The following ATXN1L variants were observed in gnomAD, a reference collection of about 807,000 sequenced individuals.
The protein encoded by ATXN1L is ataxin-1-like.
Under a neutral mutation model 43.4 loss-of-function variants are expected in ATXN1L, and 8 were observed. The observed-to-expected ratio is 0.18, with a 90% CI of 0.11 to 0.33. ATXN1L has a LOEUF of 0.33. ATXN1L is among the 10% of genes least tolerant of loss of function. The pLI is 1.00. For missense variants in ATXN1L, 856 were observed against 885.4 expected (o/e 0.97, Z 0.42); for synonymous variants, 379 against 360.6 (o/e 1.05, Z -0.58).
At position 71,850,295 on chromosome 16, in the gene ATXN1L, C is replaced by T; in HGVS notation, c.555C>T (p.Ala185=). The change falls in exon 3 of 3, where the codon GCC becomes GCT. Residue 185 remains alanine, a synonymous_variant. Coordinates refer to ENST00000427980, the MANE Select transcript of ATXN1L (RefSeq NM_001137675.4). ...VPYASLLAEG[A]TPPPQAPSPA... ...ATGCCTCACTTCTGGCTGAAGGAGC[C>T]ACTCCTCCCCCACAGGCTCCCTCCC... 6.4e-7 allele frequency: 1 copy of T among 1,551,672 alleles called. No individual in the cohort carries two copies. The highest frequency in any genetic ancestry group is 8.7e-7 in the Non-Finnish European group (1 of 1,146,976).
Position 71,850,722 on chromosome 16 carries a change from CG to C in ATXN1L, c.987del (p.Thr330ProfsTer15). Reference sequence around the variant, plus strand: ...GGTAGAGGTAGCAGCACCAGCACACCGGGGGACCCCGGACACTGACCTTGAG... The same window carrying C: ...GGTAGAGGTAGCAGCACCAGCACACCGGGGACCCCGGACACTGACCTTGAG... The part of the protein sequence containing the change: ...PRVEVAAPAH[R>X]GTPDTDLEVQ... On this transcript the variant is annotated frameshift_variant, in exon 3 of 3. Transcript: ENST00000427980. LOFTEE classifies it high-confidence loss of function. 1 of 1,551,672 alleles carries C rather than the reference CG, an allele frequency of 6.4e-7. No individual in the cohort carries two copies. The highest frequency in any genetic ancestry group is 8.7e-7 in the Non-Finnish European group (1 of 1,146,996).
At position 71,854,341 on chromosome 16, in the gene ATXN1L, G is replaced by A. The variant is rs1264289110; in HGVS notation, c.*2531G>A. 1 of 167,106 alleles carries A rather than the reference G, an allele frequency of 6.0e-6. No homozygotes were observed. Among genetic ancestry groups the A allele is most frequent in the Admixed American group, 6.5e-5 (1 of 15,292 alleles). 10.4% of individuals were successfully genotyped at this position (167,106 alleles called of 1,614,324 possible). ...GAGAAATTCTTGAGGACCCTGGCAA[G>A]TTGGGCCCTGACCTTTCTGTTGCTG... On this transcript the variant is annotated 3_prime_UTR_variant, in exon 3 of 3. Coordinates refer to ENST00000427980, the MANE Select transcript of ATXN1L (RefSeq NM_001137675.4).
In ATXN1L at chr16:71,850,976, A is replaced by C; in HGVS notation, c.1236A>C (p.Ala412=). The C allele has an allele frequency of 6.4e-7, 1 of 1,551,704 alleles. No homozygotes were observed. Among genetic ancestry groups the C allele is most frequent in the Non-Finnish European group, 8.7e-7 (1 of 1,147,004 alleles). The part of the protein sequence containing the change: ...EPVKHRPLPK[A]MVVANGNLVP... ...TAAAACATAGACCTTTACCCAAAGC[A>C]ATGGTTGTAGCCAATGGCAACCTGG... Residue 412 remains alanine, a synonymous_variant, in exon 3 of 3, where the codon GCA becomes GCC. Coordinates refer to ENST00000427980, the MANE Select transcript of ATXN1L (RefSeq NM_001137675.4).
intron 2 of ATXN1L, among the ~76,000 whole-genome samples, chr16:71,848,950 C>T (rs1252912316): frequency 6.6e-6 from 1 of 151,580 alleles, no homozygotes; most frequent in Non-Finnish European, 1.5e-5. Flanking sequence ...CGCTGTGGCT[C>T]ACACCCGTAA....
Position 71,846,063 on chromosome 16 carries a change from G to A in ATXN1L, c.-221G>A, listed in dbSNP as rs1219347362. On this transcript the variant is annotated 5_prime_UTR_variant, in exon 1 of 3. Coordinates refer to ENST00000427980, the MANE Select transcript of ATXN1L (RefSeq NM_001137675.4). ...GGCGGCCGCGGTTGCGGCGGCTCCG[G>A]GACGAGTGAGTGGATCCTGGGAAGC... The A allele has an allele frequency of 2.1e-5, 4 of 193,546 alleles. No homozygotes were observed. The highest frequency in any genetic ancestry group is 9.5e-5 in the African/African-American group (4 of 41,986). 12.0% of individuals were successfully genotyped at this position (193,546 alleles called of 1,614,324 possible).
Position 71,856,098 on chromosome 16 carries a change from C to A in ATXN1L, c.*4288C>A, listed in dbSNP as rs557102063. The A allele has an allele frequency of 6.0e-6, 1 of 167,256 alleles. No individual in the cohort carries two copies. The highest frequency in any genetic ancestry group is 2.4e-5 in the African/African-American group (1 of 41,592). The allele number at this position is 167,256 out of a possible 1,614,324, so 10.4% of individuals were successfully genotyped here. A position where few individuals can be genotyped will look rare whatever the true frequency, so the allele number is the denominator to read the frequency against. ...GAGATGCTAGAGTCGACTGCACTCT[C>A]TCCTTAGCTGCAGACCATGCACAGT... On this transcript the variant is annotated 3_prime_UTR_variant, in exon 3 of 3. Coordinates refer to ENST00000427980, the MANE Select transcript of ATXN1L (RefSeq NM_001137675.4).
Position 71,850,652 on chromosome 16 carries a change from A to T in ATXN1L, c.912A>T (p.Glu304Asp). 1 of 1,551,726 alleles carries T rather than the reference A, an allele frequency of 6.4e-7. No homozygotes were observed. The highest frequency in any genetic ancestry group is 8.7e-7 in the Non-Finnish European group (1 of 1,146,996). The stretch of plus-strand genomic sequence containing the variant: ...GCCAGGGACTGGTGCCAGTGGTAGA[A>T]TGTGTGGTGGATGGACAGTTGTTTT... ...GEGQGLVPVV[E>D]CVVDGQLFSG... Residue 304 changes from glutamate (E) to aspartate (D), a missense_variant, in exon 3 of 3, where the codon GAA becomes GAT. Glu to Asp is a conservative substitution (Grantham distance 45, BLOSUM62 2). This residue lies in a region of ATXN1L where 490 missense variants were observed against 449.4 expected (regional missense o/e 1.09). Coordinates refer to ENST00000427980, the MANE Select transcript of ATXN1L (RefSeq NM_001137675.4).
Position 71,850,462 on chromosome 16 carries a change from C to G in ATXN1L, c.722C>G (p.Thr241Ser). ...YQMSRLPAGYTLHETPPAGAS... is the reference protein window; with the variant it reads ...YQMSRLPAGYSLHETPPAGAS... ...ATGTCCAGGCTACCTGCTGGGTATA[C>G]TTTGCATGAAACCCCTCCAGCAGGT... Residue 241 changes from threonine (T) to serine (S), a missense_variant, in exon 3 of 3, where the codon ACT (threonine) becomes AGT (serine). This residue lies in a region of ATXN1L where 490 missense variants were observed against 449.4 expected (regional missense o/e 1.09). Transcript: ENST00000427980. 1 of 1,551,740 alleles carries G rather than the reference C, an allele frequency of 6.4e-7. No individual in the cohort carries two copies. The highest frequency in any genetic ancestry group is 8.7e-7 in the Non-Finnish European group (1 of 1,147,002).
At position 71,851,692 on chromosome 16, in the gene ATXN1L, C is replaced by T. The variant is rs1052701369; in HGVS notation, c.1952C>T (p.Pro651Leu). The T allele has an allele frequency of 2.9e-5, 43 of 1,493,238 alleles. No homozygotes were observed. Among genetic ancestry groups the T allele is most frequent in the South Asian group, 6.5e-5 (5 of 76,954 alleles). The allele number at this position is 1,493,238 out of a possible 1,614,324, so 92.5% of individuals were successfully genotyped here. A position where few individuals can be genotyped will look rare whatever the true frequency, so the allele number is the denominator to read the frequency against. ...GGTGCTCAGGCCTGCTGGCCAGCCC[C>T]GAGCTTCCAAAGATACAGCATGCAA... is the stretch of plus-strand genomic sequence containing the variant. ...ESGAQACWPA[P>L]SFQRYSMQGE... The change falls in exon 3 of 3, where the codon CCG becomes CTG. Residue 651 changes from proline (P) to leucine (L), a missense_variant. This residue lies in a region of ATXN1L where 185 missense variants were observed against 176.8 expected (regional missense o/e 1.05). Coordinates refer to ENST00000427980, the MANE Select transcript of ATXN1L (RefSeq NM_001137675.4). This position sits in a 1 kb window ranked among gnomAD's most constrained non-coding sequence, Gnocchi z 4.9.
Position 71,851,671 on chromosome 16 carries a change from C to T in ATXN1L, c.1931C>T (p.Ala644Val). ...VVEPSQPESG[A>V]QACWPAPSFQ... Reference sequence around the variant, plus strand: ...GAGCCTTCCCAGCCTGAGTCCGGTGCTCAGGCCTGCTGGCCAGCCCCGAGC... The same window carrying T: ...GAGCCTTCCCAGCCTGAGTCCGGTGTTCAGGCCTGCTGGCCAGCCCCGAGC... The change falls in exon 3 of 3, where the codon GCT (alanine) becomes GTT (valine). Residue 644 changes from alanine to valine, a missense_variant. This residue lies in a region of ATXN1L where 185 missense variants were observed against 176.8 expected (regional missense o/e 1.05). Transcript: ENST00000427980. The surrounding 1 kb of genome is among the most constrained non-coding windows in gnomAD (Gnocchi z 4.9). 1.3e-6 allele frequency: 2 copies of T among 1,510,638 alleles called. No homozygotes were observed. Among genetic ancestry groups the T allele is most frequent in the Non-Finnish European group, 1.8e-6 (2 of 1,123,782 alleles). The allele number at this position is 1,510,638 out of a possible 1,614,324, so 93.6% of individuals were successfully genotyped here. A position where few individuals can be genotyped will look rare whatever the true frequency, so the allele number is the denominator to read the frequency against.
chr16:71,849,216 TAAAAAA>T (rs71153674), intron 2 of ATXN1L, among the ~76,000 whole-genome samples: 1 of 71,236 alleles, frequency 1.4e-5, no homozygotes, highest in Admixed American at 1.9e-4. Context: ...CCATGTGTTT[TAAAAAA>T]AAAAAAAAAA....
intron 1 of ATXN1L, 119 bp downstream of exon 1, chr16:71,846,223 A>T (rs2033440961): frequency 1.3e-5 from 2 of 155,042 alleles, no homozygotes; most frequent in Admixed American, 6.5e-5. Flanking sequence ...AACCGTGGAC[A>T]GACGGAGGGG....
rs1228655377 is a variant in ATXN1L at position 71,856,308 on chromosome 16, C to G, written c.*4498C>G. On this transcript the variant is annotated 3_prime_UTR_variant, in exon 3 of 3. Coordinates refer to ENST00000427980, the MANE Select transcript of ATXN1L (RefSeq NM_001137675.4). ...TCCCAAAGCCATTCCACTGCAAATG[C>G]CCAGCAGTGAAGATGGCCTCAAATT... 1 of 167,148 alleles carries G rather than the reference C, an allele frequency of 6.0e-6. No individual in the cohort carries two copies. The highest frequency in any genetic ancestry group is 3.1e-3 in the Middle Eastern group (1 of 318). The allele number at this position is 167,148 out of a possible 1,614,324, so 10.4% of individuals were successfully genotyped here.
At position 71,855,389 on chromosome 16, in the gene ATXN1L, G is replaced by A. The variant is rs1314834628; in HGVS notation, c.*3579G>A. On this transcript the variant is annotated 3_prime_UTR_variant, in exon 3 of 3. Coordinates refer to ENST00000427980, the MANE Select transcript of ATXN1L (RefSeq NM_001137675.4). ...TTGTATCCTGTTTTAAAAACTAAAT[G>A]AAGGGAACCACATTAGGGCCCATGC... The A allele has an allele frequency of 6.0e-6, 1 of 167,064 alleles. No homozygotes were observed. The highest frequency in any genetic ancestry group is 2.4e-5 in the African/African-American group (1 of 41,436). 10.3% of individuals were successfully genotyped at this position (167,064 alleles called of 1,614,324 possible). A position where few individuals can be genotyped will look rare whatever the true frequency, so the allele number is the denominator to read the frequency against.
rs1201319564 is a variant in ATXN1L at position 71,851,893 on chromosome 16, G to A, written c.*83G>A. ...AGCAGGCAGAGGATTTGCACACGCC[G>A]AGCAGGGAATGGCTTTCTTGGCAGT... On this transcript the variant is annotated 3_prime_UTR_variant, in exon 3 of 3. Coordinates refer to ENST00000427980, the MANE Select transcript of ATXN1L (RefSeq NM_001137675.4). This position sits in a 1 kb window ranked among gnomAD's most constrained non-coding sequence, Gnocchi z 4.9. 27 of 1,338,310 alleles carry A rather than the reference G, an allele frequency of 2.0e-5. No homozygotes were observed. The highest frequency in any genetic ancestry group is 6.8e-5 in the Admixed American group (2 of 29,368). The allele number at this position is 1,338,310 out of a possible 1,614,324, so 82.9% of individuals were successfully genotyped here.
chr16:71,851,825 C>T lies in ATXN1L; in HGVS notation c.*15C>T. 1 of 1,425,196 alleles carries T rather than the reference C, an allele frequency of 7.0e-7. No homozygotes were observed. Among genetic ancestry groups the T allele is most frequent in the East Asian group, 2.5e-5 (1 of 39,240 alleles). 88.3% of individuals were successfully genotyped at this position (1,425,196 alleles called of 1,614,324 possible). ...CGGGAAAATGAACCTCTTCCCCAGA[C>T]CAGGACTGGGGCTTTACCCCAGAGC... On this transcript the variant is annotated 3_prime_UTR_variant, in exon 3 of 3. Coordinates refer to ENST00000427980, the MANE Select transcript of ATXN1L (RefSeq NM_001137675.4). This position sits in a 1 kb window ranked among gnomAD's most constrained non-coding sequence, Gnocchi z 4.9.
In ATXN1L at chr16:71,850,695, C is replaced by T. The variant is rs2033491435; in HGVS notation, c.955C>T (p.Arg319Trp). ...GTTGTTTTCAGGTTCTCAGACTCCA[C>T]GGGTAGAGGTAGCAGCACCAGCACA... ...GQLFSGSQTP[R>W]VEVAAPAHRG... is the part of the protein sequence containing the mutation. The change falls in exon 3 of 3, where the codon CGG (arginine) becomes TGG (tryptophan). Residue 319 changes from arginine (R) to tryptophan (W), a missense_variant. This residue lies in a region of ATXN1L where 490 missense variants were observed against 449.4 expected (regional missense o/e 1.09). Transcript: ENST00000427980. 6 of 1,551,698 alleles carry T rather than the reference C, an allele frequency of 3.9e-6. No homozygotes were observed. The highest frequency in any genetic ancestry group is 1.2e-5 in the South Asian group (1 of 84,064).
rs187088255 is a variant in ATXN1L, at chr16:71,846,838, C to T, written c.-180+734C>T. On this transcript the variant is annotated intron_variant, in intron 1 of 2. Coordinates refer to ENST00000427980, the MANE Select transcript of ATXN1L (RefSeq NM_001137675.4). ...CCTTTTGCCTCTTTCGGTCCCTTTA[C>T]TAGCCTGTGTTTGCTAACTTCTCGG... Among the ~76,000 whole-genome samples, 58 of 152,078 alleles carry T rather than the reference C, an allele frequency of 3.8e-4. No individual in the cohort carries two copies. The East Asian group carries it at 0.01, about 27-fold the overall frequency.
intron 2 of ATXN1L, among the ~76,000 whole-genome samples, chr16:71,849,307 A>G (rs570856450): frequency 2.0e-5 from 3 of 151,742 alleles, no homozygotes; most frequent in South Asian, 2.1e-4. Flanking sequence ...CAGAAAAGAG[A>G]CAAGGTGCTT....
Sources: gnomAD v4.1 joint callset for allele counts (sites outside exome capture counted in the v4.1 genomes callset) on GRCh38, gnomAD v4.1.1 for gene constraint, gnomAD v4.1.1 regional missense constraint, Gnocchi (gnomAD v3.1) non-coding constraint, MANE v1.5 for transcripts, NCBI Gene and HGNC (gene_info 2026-07-23, HGNC 2026-07-21) for gene names.